DACH1: variants seen among roughly 807,000 people sequenced by gnomAD.
DACH1 encodes dachshund family transcription factor 1.
Under a neutral mutation model 54.2 loss-of-function variants are expected in DACH1, and 12 were observed. The ratio of observed to expected loss-of-function variants is 0.22; its 90% CI spans 0.14 to 0.36. The LOEUF (loss-of-function observed/expected upper bound fraction) is 0.36, where lower values mean the gene tolerates loss of function less well. Among genes scored for constraint, DACH1 ranks in the 10% least tolerant of loss-of-function variants. The pLI is 1.00. For missense variants in DACH1, 805 were observed against 929.8 expected, an observed-to-expected ratio of 0.87 and a Z score of 1.75; for synonymous variants, 386 against 366.2, an observed-to-expected ratio of 1.05 and a Z score of -0.62.
At chr13:71,742,375 T>C (rs1884427129) in intron 1 of DACH1, among the ~76,000 whole-genome samples, 1 of 152,198 alleles carries the variant, frequency 6.6e-6, no homozygotes, top group African/African-American at 2.4e-5. Context: ...AACTTCTAAA[T>C]ATCAATGGTC....
chr13:71,510,489 C>T (rs1373633459), intron 6 of DACH1, among the ~76,000 whole-genome samples: 1 of 152,024 alleles, frequency 6.6e-6, no homozygotes, highest in Non-Finnish European at 1.5e-5. Flanking sequence ...CTATTCCCCT[C>T]CTTTCCAGGG....
intron 10 of DACH1, among the ~76,000 whole-genome samples, chr13:71,463,556 G>A (rs539225100): frequency 5.9e-5 from 9 of 151,910 alleles, no homozygotes; most frequent in Non-Finnish European, 1.2e-4. Context: ...GAAGCAAGGC[G>A]TATGGAGACA....
chr13:71,732,261 T>TA (rs1180059527), intron 1 of DACH1, among the ~76,000 whole-genome samples: 1 of 152,050 alleles, frequency 6.6e-6, no homozygotes, highest in Non-Finnish European at 1.5e-5. Context: ...GTTCAGCAGT[T>TA]AGTTTAATTA....
intron 1 of DACH1, among the ~76,000 whole-genome samples, chr13:71,766,034 C>G (rs1300684572): frequency 1.3e-5 from 2 of 151,980 alleles, no homozygotes; most frequent in South Asian, 4.2e-4. Flanking sequence ...CAACAGGCGC[C>G]CGCCACCACG....
intron 1 of DACH1, among the ~76,000 whole-genome samples, chr13:71,772,025 T>G (rs544489933): frequency 6.6e-6 from 1 of 151,566 alleles, no homozygotes; most frequent in Non-Finnish European, 1.5e-5. Context: ...CTTAAAAGGG[T>G]TTTAAAATAA....
chr13:71,652,126 G>A (rs1443965449), intron 2 of DACH1, among the ~76,000 whole-genome samples: 2 of 152,026 alleles, frequency 1.3e-5, no homozygotes, highest in Non-Finnish European at 2.9e-5. Context: ...GATTACATAA[G>A]AGATCACTGA....
intron 3 of DACH1, among the ~76,000 whole-genome samples, chr13:71,629,801 GA>G (rs1566390971): frequency 6.6e-6 from 1 of 152,026 alleles, no homozygotes; most frequent in East Asian, 1.9e-4. Flanking sequence ...GTATTTTAAA[GA>G]GAAACAATAC....
intron 2 of DACH1, among the ~76,000 whole-genome samples, chr13:71,662,030 A>G (rs1455263146): frequency 6.6e-6 from 1 of 152,000 alleles, no homozygotes. Flanking sequence ...TGATTACCCA[A>G]TTTGGGCAAT....
At chr13:71,521,815 C>G (rs549774673) in intron 6 of DACH1, among the ~76,000 whole-genome samples, 1 of 152,108 alleles carries the variant, frequency 6.6e-6, no homozygotes, top group Non-Finnish European at 1.5e-5. Flanking sequence ...AAGAGCCTCA[C>G]CTTTGTAACT....
intron 1 of DACH1, among the ~76,000 whole-genome samples, chr13:71,816,572 ATATATACACG>A: frequency 2.1e-5 from 3 of 142,302 alleles, no homozygotes; most frequent in Non-Finnish European, 4.6e-5. Context: ...ATGTGTGTAT[ATATATACACG>A]TATATATATA....
At chr13:71,459,105 G>A (rs1875845137) in intron 10 of DACH1, among the ~76,000 whole-genome samples, 1 of 151,838 alleles carries the variant, frequency 6.6e-6, no homozygotes, top group Non-Finnish European at 1.5e-5. Flanking sequence ...AAGGTTTTAT[G>A]TCAGATACTT....
intron 1 of DACH1, among the ~76,000 whole-genome samples, chr13:71,715,298 A>T (rs1882916367): frequency 6.6e-6 from 1 of 152,108 alleles, no homozygotes; most frequent in Admixed American, 6.6e-5. Context: ...TGGTATCCAC[A>T]TCTTCCCTTC....
chr13:71,592,494 CAAAAAAAAAAA>C (rs575364116), intron 3 of DACH1, among the ~76,000 whole-genome samples: 1 of 32,782 alleles, frequency 3.1e-5, no homozygotes, highest in African/African-American at 1.1e-4. Context: ...GACTCTATCT[CAAAAAAAAAAA>C]AAAAAAAAAA....
chr13:71,843,688 T>C (rs1379296870), intron 1 of DACH1, among the ~76,000 whole-genome samples: 1 of 152,208 alleles, frequency 6.6e-6, no homozygotes, highest in African/African-American at 2.4e-5. Context: ...CAAGAAGCTT[T>C]TCTTGTTTAT....
In DACH1 at chr13:71,571,925, C is replaced by T. The variant is rs1013859627; in HGVS notation, c.1299+915G>A. Among the ~76,000 whole-genome samples, 11 of 151,766 alleles carry T rather than the reference C, an allele frequency of 7.2e-5. No individual in the cohort carries two copies. In the East Asian group the frequency reaches 1.6e-3, roughly 22 times the overall value. On this transcript the variant is annotated intron_variant, in intron 4 of 10. Transcript: ENST00000613252. The stretch of plus-strand genomic sequence containing the variant: ...TAATTTTTTGTATTTTTGATAGATA[C>T]GGGGTTTCACCATGTTAGCCAGGAT...
At chr13:71,544,964 A>G (rs914868153) in intron 6 of DACH1, among the ~76,000 whole-genome samples, 18 of 152,146 alleles carry the variant, frequency 1.2e-4, no homozygotes, top group Admixed American at 1.2e-3. Context: ...TAAGCCCTAG[A>G]TTACTGCATC....
chr13:71,839,139 G>T (rs911668951), intron 1 of DACH1, among the ~76,000 whole-genome samples: 1 of 151,996 alleles, frequency 6.6e-6, no homozygotes, highest in African/African-American at 2.4e-5. Context: ...AATAATATTT[G>T]ACCTCTGAGA....
chr13:71,859,890 T>C lies in DACH1; in HGVS notation c.848+6032A>G, dbSNP rs190610033. Among the ~76,000 whole-genome samples, 30 of 151,956 alleles carry C rather than the reference T, an allele frequency of 2.0e-4. No homozygotes were observed. The East Asian group carries it at 3.1e-3, about 16-fold the overall frequency. On this transcript the variant is annotated intron_variant, in intron 1 of 10. Coordinates refer to ENST00000613252, the MANE Select transcript of DACH1 (RefSeq NM_080759.6). ...AAATTACTTTTTACTAGAAATATTT[T>C]TGGCAGATTGAGAAGAAGGAAACAA...
At chr13:71,690,873 A>G (rs1881443588) in intron 1 of DACH1, among the ~76,000 whole-genome samples, 1 of 152,208 alleles carries the variant, frequency 6.6e-6, no homozygotes, top group Non-Finnish European at 1.5e-5. Context: ...TTGAGGTGGC[A>G]CAGAGCTGTG....
Sources: allele counts gnomAD v4.1 joint callset (sites outside exome capture counted in the v4.1 genomes callset), GRCh38; gene constraint gnomAD v4.1.1; transcripts MANE v1.5; gene names NCBI Gene and HGNC (gene_info 2026-07-23, HGNC 2026-07-21).